Variants in ROR1 observed in about 807,000 individuals in gnomAD.
The protein encoded by ROR1 is inactive tyrosine-protein kinase transmembrane receptor ROR1.
ROR1 carries 19 observed loss-of-function variants against 78.8 expected under a neutral mutation model. The ratio of observed to expected loss-of-function variants is 0.24; its 90% confidence interval spans 0.17 to 0.35. The LOEUF (loss-of-function observed/expected upper bound fraction) is 0.35. ROR1 is among the 10% of genes least tolerant of loss of function. The probability of loss-of-function intolerance (pLI) is 1.00; values close to 1 mark genes in which losing one functional copy is unlikely to be tolerated. For missense variants in ROR1, 917 were observed against 1,177.8 expected (o/e 0.78, Z 3.24); for synonymous variants, 386 against 433.6 (o/e 0.89, Z 1.36).
At chr1:63,954,558 A>G (rs1214836628) in intron 1 of ROR1, among the ~76,000 whole-genome samples, 2 of 152,312 alleles carry the variant, frequency 1.3e-5, no homozygotes, top group Middle Eastern at 3.4e-3. Flanking sequence ...TGACAGAAGT[A>G]TGGTCTGCCC....
intron 1 of ROR1, among the ~76,000 whole-genome samples, chr1:63,995,156 GA>G (rs1646327181): frequency 6.6e-6 from 1 of 152,186 alleles, no homozygotes; most frequent in Non-Finnish European, 1.5e-5. Flanking sequence ...GTAAAAGCCA[GA>G]ACAGTCTTGG....
chr1:63,892,697 C>T (rs1645407149), intron 1 of ROR1, among the ~76,000 whole-genome samples: 1 of 152,172 alleles, frequency 6.6e-6, no homozygotes. Flanking sequence ...TTTGGCTAAG[C>T]TCTGCCACCA....
In ROR1 at chr1:64,120,685, C is replaced by T. The variant is rs149139172; in HGVS notation, c.483-16684C>T. 9.9e-5 allele frequency among the ~76,000 whole-genome samples: 15 copies of T among 152,262 alleles called. No homozygotes were observed. In the East Asian group the frequency reaches 2.1e-3, roughly 22 times the overall value. ...TGGCACTGCAGCCTCCTTGACCCAG[C>T]AACACTCACTCTCCTCCACCCCACT... On this transcript the variant is annotated intron_variant, in intron 4 of 8. Coordinates refer to ENST00000371079, the MANE Select transcript of ROR1 (RefSeq NM_005012.4).
chr1:64,152,015 G>A (rs780360581), intron 7 of ROR1, among the ~76,000 whole-genome samples: 19 of 152,126 alleles, frequency 1.2e-4, no homozygotes, highest in Non-Finnish European at 8.8e-5. Flanking sequence ...TCCAGAGACA[G>A]AGAAATCCTT....
At chr1:64,118,171 C>A (rs1648386410) in intron 4 of ROR1, among the ~76,000 whole-genome samples, 1 of 152,144 alleles carries the variant, frequency 6.6e-6, no homozygotes, top group African/African-American at 2.4e-5. Flanking sequence ...CCACAGCACT[C>A]CTGCCTGGGT....
chr1:64,125,079 T>C (rs1648664854), intron 4 of ROR1, among the ~76,000 whole-genome samples: 1 of 152,134 alleles, frequency 6.6e-6, no homozygotes, highest in Non-Finnish European at 1.5e-5. Flanking sequence ...GCATTTAAGA[T>C]GAATAAAGTG....
chr1:63,925,066 G>T (rs1165770127), intron 1 of ROR1, among the ~76,000 whole-genome samples: 1 of 149,262 alleles, frequency 6.7e-6, no homozygotes, highest in Non-Finnish European at 1.5e-5. Context: ...ACATTGTGCA[G>T]GTTAGTTACA....
intron 4 of ROR1, among the ~76,000 whole-genome samples, chr1:64,087,914 A>T (rs1186074304): frequency 6.6e-6 from 1 of 152,212 alleles, no homozygotes; most frequent in African/African-American, 2.4e-5. Context: ...TAATGACTCA[A>T]CTGGTGAGTA....
chr1:64,140,468 A>G lies in ROR1; in HGVS notation c.928+42A>G, dbSNP rs1306363110. 4 of 1,577,316 alleles carry G rather than the reference A, an allele frequency of 2.5e-6. No homozygotes were observed. In the Admixed American group the frequency reaches 5.2e-5, roughly 20 times the overall value. The stretch of plus-strand genomic sequence containing the variant: ...GACCTTCTGTGCTCTTCTAAGGGTC[A>G]GCAACCTGTTGGCACAGGGAAAACT... On this transcript the variant is annotated intron_variant, in intron 6 of 8. Transcript: ENST00000371079.
intron 1 of ROR1, among the ~76,000 whole-genome samples, chr1:63,889,368 C>T (rs1005674349): frequency 2.6e-5 from 4 of 152,108 alleles, no homozygotes; most frequent in African/African-American, 9.7e-5. Flanking sequence ...ATTATTAGCC[C>T]CATTTTACTG....
At chr1:64,173,308 A>G (rs1650291406) in intron 8 of ROR1, among the ~76,000 whole-genome samples, 1 of 152,216 alleles carries the variant, frequency 6.6e-6, no homozygotes, top group Admixed American at 6.5e-5. Context: ...TTGGGATTAT[A>G]TGCTATATGG....
chr1:64,128,244 CAGG>C (rs1367129114), intron 4 of ROR1, among the ~76,000 whole-genome samples: 2 of 131,250 alleles, frequency 1.5e-5, no homozygotes, highest in Non-Finnish European at 3.1e-5. Context: ...TGCTTGAGTC[CAGG>C]AGTTCAAGAC....
chr1:63,909,160 G>C (rs72930810), intron 1 of ROR1, among the ~76,000 whole-genome samples: 4,477 of 151,842 alleles, frequency 0.029, 228 homozygotes, highest in African/African-American at 0.1. Context: ...TGCCCCCTGC[G>C]CACCTGCTTT....
At chr1:63,778,519 C>T (rs1445066049) in intron 1 of ROR1, among the ~76,000 whole-genome samples, 2 of 152,194 alleles carry the variant, frequency 1.3e-5, no homozygotes, top group Non-Finnish European at 2.9e-5. Context: ...TTCCCTTCCA[C>T]CAGGCAGGCT....
rs371092048 is a variant in ROR1 at position 63,918,051 on chromosome 1, C to T, written c.92-91254C>T. Among the ~76,000 whole-genome samples the T allele has an allele frequency of 1.0e-3, 152 of 152,348 alleles. 1 individual carries two copies. The highest frequency in any genetic ancestry group is 1.7e-3 in the Non-Finnish European group (113 of 68,034). Reference sequence around the variant, plus strand: ...GGAGTCACCACTACCTGCCATCTCGCAGACTCTTGTCTAGTGCCCCCTTGA... The same window carrying T: ...GGAGTCACCACTACCTGCCATCTCGTAGACTCTTGTCTAGTGCCCCCTTGA... On this transcript the variant is annotated intron_variant, in intron 1 of 8. Coordinates refer to ENST00000371079, the MANE Select transcript of ROR1 (RefSeq NM_005012.4).
intron 1 of ROR1, among the ~76,000 whole-genome samples, chr1:64,006,138 A>G (rs1031925000): frequency 6.6e-6 from 1 of 152,266 alleles, no homozygotes; most frequent in African/African-American, 2.4e-5. Context: ...CTAACTGTCT[A>G]TAAAATTAAC....
chr1:64,163,673 A>T (rs1015064716), intron 8 of ROR1, among the ~76,000 whole-genome samples: 2 of 152,052 alleles, frequency 1.3e-5, no homozygotes, highest in East Asian at 3.9e-4. Flanking sequence ...CAGACAATTC[A>T]TCTCTCCGTT....
At position 64,102,948 on chromosome 1, in the gene ROR1, T is replaced by C. The variant is rs1488687703; in HGVS notation, c.483-34421T>C. 3.3e-5 allele frequency among the ~76,000 whole-genome samples: 5 copies of C among 152,150 alleles called. No individual in the cohort carries two copies. The South Asian group carries it at 1.0e-3, about 32-fold the overall frequency. ...AGACAGCGCCAGCTGTCCCCTGGGA[T>C]GACAATCACCCCCCTGTTGAGAATC... On this transcript the variant is annotated intron_variant, in intron 4 of 8. Transcript: ENST00000371079.
intron 5 of ROR1, among the ~76,000 whole-genome samples, chr1:64,137,796 T>C (rs1649166787): frequency 6.6e-6 from 1 of 152,162 alleles, no homozygotes; most frequent in African/African-American, 2.4e-5. Context: ...GAGGTGATGG[T>C]GTGTAAATAA....
Sources: gnomAD v4.1 joint callset for allele counts (sites outside exome capture counted in the v4.1 genomes callset) on GRCh38, gnomAD v4.1.1 for gene constraint, MANE v1.5 for transcripts, NCBI Gene and HGNC (gene_info 2026-07-23, HGNC 2026-07-21) for gene names.